UNC5A: variants seen among roughly 807,000 people sequenced by gnomAD.
UNC5A encodes the protein unc-5 netrin receptor A.
A neutral mutation model predicts 87.4 loss-of-function variants in UNC5A; 20 were observed. That is an observed-to-expected ratio of 0.23 (90% CI 0.16 to 0.33). UNC5A has a LOEUF of 0.33. Ranked by LOEUF, UNC5A falls within the 10% of genes least tolerant of loss-of-function variation. UNC5A has a pLI of 1.00. For missense variants in UNC5A, 844 were observed against 1,133.4 expected (o/e 0.74, Z 3.67); for synonymous variants, 438 against 482.3 (o/e 0.91, Z 1.20).
At chr5:176,825,387 C>T (rs747621773) in intron 1 of UNC5A, among the ~76,000 whole-genome samples, 3 of 152,106 alleles carry the variant, frequency 2.0e-5, no homozygotes, top group Non-Finnish European at 4.4e-5. Flanking sequence ...GCGAAGGACC[C>T]GCCGATGAGG....
At chr5:176,836,027 G>T (rs938605037) in intron 1 of UNC5A, among the ~76,000 whole-genome samples, 1 of 152,202 alleles carries the variant, frequency 6.6e-6, no homozygotes, top group Admixed American at 6.5e-5. Flanking sequence ...CACCAAGTTT[G>T]CAGTTAAATC....
chr5:176,866,259 T>G lies in UNC5A; in HGVS notation c.293-1871T>G, dbSNP rs964583360. ...ACAGCCCCTCACATCAAAGATGGGG[T>G]AGGGCCGGGTCTGCAGCCCCCGCCT... On this transcript the variant is annotated intron_variant, in intron 2 of 14. Transcript: ENST00000329542. This position sits in a 1 kb window ranked among gnomAD's most constrained non-coding sequence, Gnocchi z 5.0. Among the ~76,000 whole-genome samples the G allele has an allele frequency of 6.6e-6, 1 of 151,912 alleles. No individual in the cohort carries two copies. The highest frequency in any genetic ancestry group is 1.5e-5 in the Non-Finnish European group (1 of 67,980).
intron 1 of UNC5A, among the ~76,000 whole-genome samples, chr5:176,815,975 G>A (rs1360405381): frequency 1.3e-5 from 2 of 152,232 alleles, no homozygotes; most frequent in East Asian, 1.9e-4. Flanking sequence ...TGACTCTCAG[G>A]ACATGGCACA....
intron 6 of UNC5A, among the ~76,000 whole-genome samples, chr5:176,872,158 T>C (rs78805930): frequency 3.2e-5 from 3 of 93,946 alleles, no homozygotes; most frequent in African/African-American, 8.5e-5. Flanking sequence ...ACACCACAGC[T>C]TCCCATCTGC....
chr5:176,830,575 TGTGTGC>T (rs1756977873), intron 1 of UNC5A, among the ~76,000 whole-genome samples: 1 of 143,194 alleles, frequency 7.0e-6, no homozygotes, highest in Non-Finnish European at 1.5e-5. Flanking sequence ...TGTGTGTGTG[TGTGTGC>T]GCGTGCTGGT....
chr5:176,834,701 C>CTCTCTCAA (rs1428448502), intron 1 of UNC5A, among the ~76,000 whole-genome samples: 1 of 148,496 alleles, frequency 6.7e-6, no homozygotes, highest in Non-Finnish European at 1.5e-5. Flanking sequence ...CTCTCTCTCT[C>CTCTCTCAA]TCTGTCTCTC....
At chr5:176,840,373 A>AG (rs1169122882) in intron 1 of UNC5A, among the ~76,000 whole-genome samples, 1 of 151,980 alleles carries the variant, frequency 6.6e-6, no homozygotes, top group Non-Finnish European at 1.5e-5. Flanking sequence ...GAGTCGGGGG[A>AG]GGGGCTGGGC....
rs1273613901 is a variant in UNC5A at position 176,865,196 on chromosome 5, C to T, written c.292+2351C>T. Among the ~76,000 whole-genome samples, 1 of 152,182 alleles carries T rather than the reference C, an allele frequency of 6.6e-6. No homozygotes were observed. Among genetic ancestry groups the T allele is most frequent in the Non-Finnish European group, 1.5e-5 (1 of 68,020 alleles). ...AAGTTCTCCCACTGCTGTGGCAGGT[C>T]CCCCAGGGAAAGCACAGCCAGAGAG... is the stretch of plus-strand genomic sequence containing the variant. On this transcript the variant is annotated intron_variant, in intron 2 of 14. Transcript: ENST00000329542. The surrounding 1 kb of genome is among the most constrained non-coding windows in gnomAD (Gnocchi z 5.3).
rs1163821890 is a variant in UNC5A, at chr5:176,870,376, G to A, written c.728G>A (p.Gly243Asp). Residue 243 changes from glycine to aspartate, a missense_variant, in exon 6 of 15, where the codon GGC (glycine) becomes GAC (aspartate). Gly to Asp is a moderately conservative substitution (Grantham distance 94). Transcript: ENST00000329542. ...CTGCTTGTCTCTCATCTAGTGGACG[G>A]CAGCTGGAGCCCGTGGAGCAAGTGG... ...ASAAVIVYVD[G>D]SWSPWSKWSA... 6.2e-7 allele frequency: 1 copy of A among 1,611,214 alleles called. No individual in the cohort carries two copies. The highest frequency in any genetic ancestry group is 1.7e-5 in the Admixed American group (1 of 59,958).
At chr5:176,830,835 C>T (rs1310435116) in intron 1 of UNC5A, among the ~76,000 whole-genome samples, 2 of 120,868 alleles carry the variant, frequency 1.7e-5, no homozygotes, top group African/African-American at 3.3e-5. Flanking sequence ...CATGTATGTG[C>T]TGGCATGTGT....
At chr5:176,829,088 C>T (rs181799939) in intron 1 of UNC5A, among the ~76,000 whole-genome samples, 24 of 148,116 alleles carry the variant, frequency 1.6e-4, no homozygotes, top group Admixed American at 8.9e-4. Flanking sequence ...GCGGAGATCG[C>T]GCTGCTGCAC....
At chr5:176,829,773 C>T (rs1756954796) in intron 1 of UNC5A, among the ~76,000 whole-genome samples, 1 of 152,032 alleles carries the variant, frequency 6.6e-6, no homozygotes, top group African/African-American at 2.4e-5. Context: ...CCAGGCAGGC[C>T]ACCTTGGGTG....
At chr5:176,829,328 TATGG>T (rs546614651) in intron 1 of UNC5A, among the ~76,000 whole-genome samples, 9,204 of 93,216 alleles carry the variant, frequency 0.099, 664 homozygotes, top group African/African-American at 0.2. Flanking sequence ...ATGTATGAAA[TATGG>T]ATGGATGGAT....
chr5:176,850,240 C>T (rs530887849), intron 1 of UNC5A, among the ~76,000 whole-genome samples: 30 of 152,338 alleles, frequency 2.0e-4, no homozygotes, highest in Non-Finnish European at 2.5e-4. Context: ...AACTTTAATA[C>T]ATGCACCTGG....
In UNC5A at chr5:176,865,666, C is replaced by A. The variant is rs200004005; in HGVS notation, c.293-2464C>A. The A allele has an allele frequency of 2.2e-6, 1 of 456,546 alleles. No homozygotes were observed. Among genetic ancestry groups the A allele is most frequent in the African/African-American group, 2.0e-5 (1 of 50,102 alleles). The allele number at this position is 456,546 out of a possible 1,614,324, so 28.3% of individuals were successfully genotyped here. On this transcript the variant is annotated intron_variant, in intron 2 of 14. Transcript: ENST00000329542. This position sits in a 1 kb window ranked among gnomAD's most constrained non-coding sequence, Gnocchi z 5.3. ...CCCACGGCAGATACCACGGCAGTGGCGCCACGCCGCCAAAGACCAAAGACC... is the reference window on the plus strand; with the variant it reads ...CCCACGGCAGATACCACGGCAGTGGAGCCACGCCGCCAAAGACCAAAGACC...
At chr5:176,814,334 A>G (rs1378736292) in intron 1 of UNC5A, among the ~76,000 whole-genome samples, 2 of 152,122 alleles carry the variant, frequency 1.3e-5, no homozygotes, top group African/African-American at 4.8e-5. Context: ...GGGCTGGTCT[A>G]TCTGGAGGTC....
At chr5:176,812,586 T>C (rs912392005) in intron 1 of UNC5A, among the ~76,000 whole-genome samples, 7 of 152,000 alleles carry the variant, frequency 4.6e-5, no homozygotes, top group Non-Finnish European at 1.0e-4. Context: ...AGCAGGGTGC[T>C]GCGGCCTGGA....
In UNC5A at chr5:176,827,443, A is replaced by G. The variant is rs544119730; in HGVS notation, c.70+16623A>G. Among the ~76,000 whole-genome samples the G allele has an allele frequency of 4.6e-3, 695 of 152,230 alleles. 3 individuals are homozygous for G. Among genetic ancestry groups the G allele is most frequent in the South Asian group, 8.7e-3 (42 of 4,820 alleles). On this transcript the variant is annotated intron_variant, in intron 1 of 14. Coordinates refer to ENST00000329542, the MANE Select transcript of UNC5A (RefSeq NM_133369.3). ...AATAATCCACCCACCTCGGCCTCCC[A>G]AAGTGCTGGGATTACAGGTGTGAGC...
intron 1 of UNC5A, among the ~76,000 whole-genome samples, chr5:176,846,411 G>A (rs1757403939): frequency 6.6e-6 from 1 of 152,182 alleles, no homozygotes; most frequent in South Asian, 2.1e-4. Context: ...ACCCAGACCA[G>A]CAGGGACAAG....
Sources: allele counts gnomAD v4.1 joint callset (sites outside exome capture counted in the v4.1 genomes callset), GRCh38; gene constraint gnomAD v4.1.1; non-coding constraint Gnocchi (gnomAD v3.1); transcripts MANE v1.5; gene names NCBI Gene and HGNC (gene_info 2026-07-23, HGNC 2026-07-21).